The following DLEU7 variants were observed in gnomAD, a reference collection of about 807,000 sequenced individuals.
DLEU7 encodes the protein leukemia-associated protein 7.
DLEU7 carries 17 observed loss-of-function variants against 16.0 expected under a neutral mutation model. The observed-to-expected ratio is 1.06, with a 90% CI of 0.73 to 1.59. DLEU7 has a LOEUF of 1.59. DLEU7 is among the 40% of genes most tolerant of loss of function. The pLI is 0.00. For missense variants in DLEU7, 308 were observed against 314.9 expected, an observed-to-expected ratio of 0.98 and a Z score of 0.17; for synonymous variants, 113 against 139.8, an observed-to-expected ratio of 0.81 and a Z score of 1.35.
At chr13:50,714,700 C>T (rs1593523948) in intron 1 of DLEU7, among the ~76,000 whole-genome samples, 1 of 152,248 alleles carries the variant, frequency 6.6e-6, no homozygotes, top group Non-Finnish European at 1.5e-5. Context: ...AATGCTTCCT[C>T]CTCCCTTCTC....
chr13:50,770,865 C>T (rs1875284313), intron 1 of DLEU7, among the ~76,000 whole-genome samples: 1 of 152,144 alleles, frequency 6.6e-6, no homozygotes, highest in African/African-American at 2.4e-5. Flanking sequence ...CTTTATACCT[C>T]TGGTAAAATT....
intron 1 of DLEU7, among the ~76,000 whole-genome samples, chr13:50,776,096 A>G (rs1397684659): frequency 6.6e-6 from 1 of 152,080 alleles, no homozygotes; most frequent in Non-Finnish European, 1.5e-5. Context: ...TCATTTTTAC[A>G]ATACCTGTTT....
At chr13:50,731,441 T>C (rs1291259508) in intron 1 of DLEU7, among the ~76,000 whole-genome samples, 1 of 152,198 alleles carries the variant, frequency 6.6e-6, no homozygotes, top group African/African-American at 2.4e-5. Flanking sequence ...TAACAATAAA[T>C]ATCCTACTTA....
intron 1 of DLEU7, among the ~76,000 whole-genome samples, chr13:50,771,242 AT>A (rs138318331): frequency 1.3e-5 from 2 of 151,790 alleles, no homozygotes; most frequent in East Asian, 3.9e-4. Context: ...TTTTTGAAGG[AT>A]TTTTTTGTGT....
At chr13:50,809,351 C>T (rs142621110) in intron 1 of DLEU7, among the ~76,000 whole-genome samples, 32 of 152,194 alleles carry the variant, frequency 2.1e-4, no homozygotes, top group Admixed American at 7.2e-4. Flanking sequence ...ACATTAGGGA[C>T]GTTGTATGCA....
At chr13:50,775,194 T>C (rs1210413272) in intron 1 of DLEU7, among the ~76,000 whole-genome samples, 6 of 151,940 alleles carry the variant, frequency 3.9e-5, no homozygotes, top group African/African-American at 1.2e-4. Flanking sequence ...TTGTGGGTGA[T>C]GTTTTATGGA....
At chr13:50,717,436 C>T (rs184848086) in intron 1 of DLEU7, among the ~76,000 whole-genome samples, 354 of 152,258 alleles carry the variant, frequency 2.3e-3, no homozygotes, top group African/African-American at 8.0e-3. Flanking sequence ...CAACTACACT[C>T]ATTGTATCAT....
At position 50,767,421 on chromosome 13, in the gene DLEU7, A is replaced by C. The variant is rs913726796; in HGVS notation, c.460-54181T>G. On this transcript the variant is annotated intron_variant, in intron 1 of 1. Coordinates refer to the DLEU7 transcript ENST00000400393. Reference sequence around the variant, plus strand: ...CAGTGAGCCGAGATCGCGCCACTGCACTCCAGCCTGGGCGACAGAGCGAGA... The same window carrying C: ...CAGTGAGCCGAGATCGCGCCACTGCCCTCCAGCCTGGGCGACAGAGCGAGA... Among the ~76,000 whole-genome samples the C allele has an allele frequency of 3.7e-5, 5 of 134,968 alleles. 1 individual carries two copies. The highest frequency in any genetic ancestry group is 8.6e-3 in the Middle Eastern group (2 of 232). The allele number at this position is 134,968 out of a possible 152,430, so 88.5% of individuals were successfully genotyped here. A position where few individuals can be genotyped will look rare whatever the true frequency, so the allele number is the denominator to read the frequency against.
At chr13:50,760,549 A>G (rs1197438876) in intron 1 of DLEU7, among the ~76,000 whole-genome samples, 4 of 152,088 alleles carry the variant, frequency 2.6e-5, no homozygotes, top group African/African-American at 9.7e-5. Context: ...TTTTGTAGAG[A>G]TGAGGGTCTT....
At chr13:50,745,303 T>A (rs1033039986) in intron 1 of DLEU7, among the ~76,000 whole-genome samples, 1 of 152,174 alleles carries the variant, frequency 6.6e-6, no homozygotes, top group African/African-American at 2.4e-5. Flanking sequence ...TGAAATAAAC[T>A]GGTCACAGAA....
At chr13:50,734,575 G>A (rs1322529122) in intron 1 of DLEU7, among the ~76,000 whole-genome samples, 2 of 151,848 alleles carry the variant, frequency 1.3e-5, no homozygotes, top group Non-Finnish European at 2.9e-5. Flanking sequence ...AGAGAAAAAA[G>A]GGAATATTAA....
chr13:50,716,257 T>C (rs139525600), intron 1 of DLEU7, among the ~76,000 whole-genome samples: 17 of 152,344 alleles, frequency 1.1e-4, no homozygotes, highest in African/African-American at 3.6e-4. Context: ...AAGGGCTATC[T>C]CAAGAGAAGG....
chr13:50,737,777 C>T (rs989062978), intron 1 of DLEU7, among the ~76,000 whole-genome samples: 6 of 152,032 alleles, frequency 3.9e-5, no homozygotes, highest in African/African-American at 1.4e-4. Context: ...CTACAGTGGC[C>T]TCTAAGTGTA....
chr13:50,814,481 G>A (rs1162845572), intron 1 of DLEU7, among the ~76,000 whole-genome samples: 1 of 151,682 alleles, frequency 6.6e-6, no homozygotes, highest in Non-Finnish European at 1.5e-5. Context: ...TAATAATAAT[G>A]AACAATAATA....
Position 50,822,978 on chromosome 13 carries a change from T to C in DLEU7, c.*336A>G, listed in dbSNP as rs1876960378. 1 of 925,332 alleles carries C rather than the reference T, an allele frequency of 1.1e-6. No individual in the cohort carries two copies. The highest frequency in any genetic ancestry group is 9.3e-5 in the East Asian group (1 of 10,768). 57.3% of individuals were successfully genotyped at this position (925,332 alleles called of 1,614,324 possible). Reference sequence around the variant, plus strand: ...CCCTTTAGACCTACATTAATATGAATACAAATTAAGGTATCATTCAATAAA... The same window carrying C: ...CCCTTTAGACCTACATTAATATGAACACAAATTAAGGTATCATTCAATAAA... On this transcript the variant is annotated 3_prime_UTR_variant, in exon 2 of 2. Coordinates refer to ENST00000504404, the MANE Select transcript of DLEU7 (RefSeq NM_001306135.2).
At chr13:50,794,834 G>T (rs1197443458) in intron 1 of DLEU7, among the ~76,000 whole-genome samples, 2 of 152,034 alleles carry the variant, frequency 1.3e-5, no homozygotes, top group East Asian at 3.9e-4. Context: ...TTATACATGA[G>T]ATTAAAGGTC....
Position 50,793,899 on chromosome 13 carries a change from T to A in DLEU7, c.459+49289A>T, listed in dbSNP as rs1876038106. Reference sequence around the variant, plus strand: ...TTTCTAGTTTTATTGCAATTGCCTTTGAGGACTTAGTTATAAATTCTTTGC... The same window carrying A: ...TTTCTAGTTTTATTGCAATTGCCTTAGAGGACTTAGTTATAAATTCTTTGC... On this transcript the variant is annotated intron_variant, in intron 1 of 1. Transcript: ENST00000400393. Among the ~76,000 whole-genome samples the A allele has an allele frequency of 2.6e-5, 4 of 152,336 alleles. No homozygotes were observed. In the South Asian group the frequency reaches 8.3e-4, roughly 32 times the overall value.
intron 1 of DLEU7, among the ~76,000 whole-genome samples, chr13:50,806,613 A>G (rs1035928775): frequency 1.3e-5 from 2 of 152,160 alleles, no homozygotes; most frequent in Non-Finnish European, 2.9e-5. Flanking sequence ...TTACAAATAA[A>G]TAAATGCTAT....
intron 1 of DLEU7, among the ~76,000 whole-genome samples, chr13:50,759,463 A>C (rs1045705097): frequency 6.6e-6 from 1 of 152,124 alleles, no homozygotes; most frequent in Non-Finnish European, 1.5e-5. Flanking sequence ...TAAAGACTTC[A>C]GAGGTCTATA....
Sources: gnomAD v4.1 joint callset for allele counts (sites outside exome capture counted in the v4.1 genomes callset) on GRCh38, gnomAD v4.1.1 for gene constraint, MANE v1.5 for transcripts, NCBI Gene and HGNC (gene_info 2026-07-23, HGNC 2026-07-21) for gene names.